The following LAMB4 variants were observed in gnomAD, a reference collection of about 807,000 sequenced individuals.
The protein encoded by LAMB4 is laminin subunit beta-4.
Under a neutral mutation model 199.2 loss-of-function variants are expected in LAMB4, and 196 were observed. The ratio of observed to expected loss-of-function variants is 0.98; its 90% confidence interval spans 0.88 to 1.11. The LOEUF is 1.11. Among genes scored for constraint, LAMB4 ranks in the 50% least tolerant of loss-of-function variants. The pLI is 0.00. For synonymous variants in LAMB4, 744 were observed against 770.6 expected (o/e 0.97, Z 0.57); for missense variants, 2,080 against 2,171.2 (o/e 0.96, Z 0.83).
At position 108,062,222 on chromosome 7, in the gene LAMB4, A is replaced by G. The variant is rs558209427; in HGVS notation, c.3282+552T>C. Among the ~76,000 whole-genome samples the G allele has an allele frequency of 4.6e-5, 7 of 152,304 alleles. No homozygotes were observed. In the East Asian group the frequency reaches 5.8e-4, roughly 13 times the overall value. Reference sequence around the variant, plus strand: ...TGAAAAATCACACGTGCATCTATCTATGTAGTATTAGTTGTATATGAAACA... The same window carrying G: ...TGAAAAATCACACGTGCATCTATCTGTGTAGTATTAGTTGTATATGAAACA... On this transcript the variant is annotated intron_variant, in intron 23 of 33. Transcript: ENST00000388781.
chr7:108,062,106 C>A (rs1391044365), intron 23 of LAMB4, among the ~76,000 whole-genome samples: 1 of 152,066 alleles, frequency 6.6e-6, no homozygotes, highest in African/African-American at 2.4e-5. Context: ...AAACAACCAC[C>A]AAAAAAACTA....
intron 14 of LAMB4, among the ~76,000 whole-genome samples, chr7:108,080,531 ACT>A (rs1164399520): frequency 3.3e-5 from 5 of 151,710 alleles, no homozygotes; most frequent in African/African-American, 1.2e-4. Context: ...AGCATCTCAA[ACT>A]CTTTCTAACT....
intron 10 of LAMB4, among the ~76,000 whole-genome samples, chr7:108,101,228 C>T (rs1265248914): frequency 3.3e-5 from 5 of 152,120 alleles, no homozygotes; most frequent in Admixed American, 6.5e-5. Context: ...GTGTGCCAGC[C>T]GTTCAAGTCC....
At chr7:108,129,792 G>C (rs896790471) in intron 1 of LAMB4, among the ~76,000 whole-genome samples, 5 of 152,164 alleles carry the variant, frequency 3.3e-5, no homozygotes, top group African/African-American at 1.2e-4. Context: ...GCCTCCCAGA[G>C]GGCTGGGATT....
chr7:108,094,425 C>T (rs756213277), intron 12 of LAMB4, among the ~76,000 whole-genome samples: 2 of 152,022 alleles, frequency 1.3e-5, no homozygotes, highest in African/African-American at 2.4e-5. Context: ...GCTTCTTTCC[C>T]CCACCCCCTC....
At chr7:108,058,216 G>A (rs1476584804) in intron 23 of LAMB4, among the ~76,000 whole-genome samples, 1 of 152,164 alleles carries the variant, frequency 6.6e-6, no homozygotes, top group African/African-American at 2.4e-5. Flanking sequence ...AACACATAAT[G>A]GGAAATGGGC....
At chr7:108,041,249 G>A (rs1226412250) in intron 29 of LAMB4, among the ~76,000 whole-genome samples, 1 of 152,162 alleles carries the variant, frequency 6.6e-6, no homozygotes, top group Non-Finnish European at 1.5e-5. Context: ...AAAAATAACA[G>A]GTGCTGATGA....
intron 23 of LAMB4, among the ~76,000 whole-genome samples, chr7:108,060,062 A>G (rs1348275168): frequency 6.6e-6 from 1 of 152,246 alleles, no homozygotes; most frequent in East Asian, 1.9e-4. Flanking sequence ...GACATCTATC[A>G]GTAGTTGTTT....
At chr7:108,049,228 AAG>A (rs1255723025) in intron 27 of LAMB4, 96 bp downstream of exon 27, 2 of 383,124 alleles carry the variant, frequency 5.2e-6, no homozygotes, top group Non-Finnish European at 9.2e-6. Context: ...TATAATGAAA[AAG>A]AAATTTAAAA....
chr7:108,057,801 C>T (rs370337408), intron 24 of LAMB4, 31 bp downstream of exon 24: 31 of 1,399,500 alleles, frequency 2.2e-5, no homozygotes, highest in Admixed American at 5.0e-5. Flanking sequence ...GCTGACTGTA[C>T]GCATGAGTTT....
chr7:108,105,825 G>T lies in LAMB4; in HGVS notation c.862C>A (p.Pro288Thr). Reference protein sequence around the residue: ...QKMRGDVFSPPGMVHGQCVCQ... With the variant: ...QKMRGDVFSPTGMVHGQCVCQ... ...TTGGATTAATAACTCACCATTCCAG[G>T]AGGGCTGAAAACATCTCCCCGCATC... Residue 288 changes from proline to threonine, a missense_variant, in exon 8 of 34, where the codon CCT (proline) becomes ACT (threonine). Pro to Thr is a conservative substitution (Grantham distance 38). Coordinates refer to ENST00000388781, the MANE Select transcript of LAMB4 (RefSeq NM_007356.3). The T allele has an allele frequency of 1.9e-6, 3 of 1,614,132 alleles. No homozygotes were observed. Among genetic ancestry groups the T allele is most frequent in the Non-Finnish European group, 2.5e-6 (3 of 1,179,960 alleles).
In LAMB4 at chr7:108,023,954, G is replaced by T; in HGVS notation, c.*85C>A. ...GGAAGGAAGGTAGAAGACATTGTCAGTATTTCACAGGTTCAACAGAGCCCC... is the reference window on the plus strand; with the variant it reads ...GGAAGGAAGGTAGAAGACATTGTCATTATTTCACAGGTTCAACAGAGCCCC... On this transcript the variant is annotated 3_prime_UTR_variant, in exon 34 of 34. Transcript: ENST00000388781. 1.7e-6 allele frequency: 2 copies of T among 1,148,344 alleles called. No individual in the cohort carries two copies. The highest frequency in any genetic ancestry group is 1.8e-5 in the South Asian group (1 of 54,872). The allele number at this position is 1,148,344 out of a possible 1,614,324, so 71.1% of individuals were successfully genotyped here. A position where few individuals can be genotyped will look rare whatever the true frequency, so the allele number is the denominator to read the frequency against.
rs768248369 is a variant in LAMB4, at chr7:108,103,235, GA to G, written c.992-4del. On this transcript the variant is annotated splice_region_variant and splice_polypyrimidine_tract_variant and intron_variant, in intron 9 of 33. Coordinates refer to ENST00000388781, the MANE Select transcript of LAMB4 (RefSeq NM_007356.3). Reference sequence around the variant, plus strand: ...GGAGTGGCTATTACAGCTGCACGCTGAAAGGAGAAGACAGTGACTGAGAGGT... The same window carrying G: ...GGAGTGGCTATTACAGCTGCACGCTGAAGGAGAAGACAGTGACTGAGAGGT... The G allele has an allele frequency of 3.4e-5, 53 of 1,546,154 alleles. No individual in the cohort carries two copies. The East Asian group carries it at 1.3e-3, about 37-fold the overall frequency.
chr7:108,069,702 A>G lies in LAMB4; in HGVS notation c.2302+6T>C. ...CCTCAGTAGAGCCCATTAAACAGAT[A>G]CTTACCCACAGCCCCATCATGCAGC... On this transcript the variant is annotated splice_donor_region_variant and intron_variant, in intron 18 of 33. Coordinates refer to ENST00000388781, the MANE Select transcript of LAMB4 (RefSeq NM_007356.3). The G allele has an allele frequency of 6.2e-7, 1 of 1,612,356 alleles. No homozygotes were observed. Among genetic ancestry groups the G allele is most frequent in the Non-Finnish European group, 8.5e-7 (1 of 1,178,884 alleles).
chr7:108,105,862 G>A lies in LAMB4; in HGVS notation c.825C>T (p.Arg275=). ...CATCTCCCCGCATCTTCTGCATAGG[G>A]CGACATTCGCTAGCATGGCCATTGC... is the stretch of plus-strand genomic sequence containing the variant. ...CFCNGHASEC[R]PMQKMRGDVF... The change falls in exon 8 of 34, where the codon CGC becomes CGT. Residue 275 remains arginine, a synonymous_variant. Coordinates refer to ENST00000388781, the MANE Select transcript of LAMB4 (RefSeq NM_007356.3). The A allele has an allele frequency of 1.9e-6, 3 of 1,614,184 alleles. No homozygotes were observed. Among genetic ancestry groups the A allele is most frequent in the Non-Finnish European group, 2.5e-6 (3 of 1,180,024 alleles).
the LAMB4 span, among the ~76,000 whole-genome samples, chr7:108,017,909 C>T: frequency 6.6e-6 from 1 of 152,330 alleles, no homozygotes; most frequent in Non-Finnish European, 1.5e-5. Flanking sequence ...TAGCATTTTA[C>T]AGCTAAAGGA....
chr7:108,025,420 C>CTTTTCT (rs1563024809), intron 33 of LAMB4, among the ~76,000 whole-genome samples: 18 of 99,454 alleles, frequency 1.8e-4, no homozygotes, highest in African/African-American at 1.1e-3. Flanking sequence ...TTTCTTTCTT[C>CTTTTCT]TTTCTTTCTT....
chr7:108,017,042 A>G, the LAMB4 span, among the ~76,000 whole-genome samples: 1 of 152,158 alleles, frequency 6.6e-6, no homozygotes, highest in African/African-American at 2.4e-5. Context: ...TTAGACACTT[A>G]ACTGTTAGTC....
In LAMB4 at chr7:108,111,933, C is replaced by G. The variant is rs892473975; in HGVS notation, c.206G>C (p.Cys69Ser). 1 of 1,602,768 alleles carries G rather than the reference C, an allele frequency of 6.2e-7. No individual in the cohort carries two copies. Among genetic ancestry groups the G allele is most frequent in the South Asian group, 1.1e-5 (1 of 87,096 alleles). The change falls in exon 4 of 34, where the codon TGC becomes TCC. Residue 69 changes from cysteine to serine, a missense_variant. By Grantham distance (112) the Cys-to-Ser change is moderately radical. Coordinates refer to ENST00000388781, the MANE Select transcript of LAMB4 (RefSeq NM_007356.3). ...ILSYLEGEQK[C>S]FICDSRFPYD... ...TGGAAATCTAGAGTCACAGATGAAG[C>G]ATTTTTGTTCCCCCTGGAAAACACC...
Sources: allele counts gnomAD v4.1 joint callset (sites outside exome capture counted in the v4.1 genomes callset), GRCh38; gene constraint gnomAD v4.1.1; transcripts MANE v1.5; gene names NCBI Gene and HGNC (gene_info 2026-07-23, HGNC 2026-07-21).